TUBD1: variants seen among roughly 807,000 people sequenced by gnomAD.
The protein encoded by TUBD1 is tubulin delta 1.
TUBD1 carries 38 observed loss-of-function variants against 51.2 expected under a neutral mutation model. The ratio of observed to expected loss-of-function variants is 0.74; its 90% confidence interval spans 0.57 to 0.97. The LOEUF is 0.97. TUBD1 is among the 50% of genes least tolerant of loss of function. TUBD1 has a pLI of 0.00. For synonymous variants in TUBD1, 169 were observed against 178.2 expected, an observed-to-expected ratio of 0.95 and a Z score of 0.41; for missense variants, 489 against 538.4, an observed-to-expected ratio of 0.91 and a Z score of 0.91.
intron 6 of TUBD1, among the ~76,000 whole-genome samples, chr17:59,868,422 G>A (rs569930251): frequency 2.6e-4 from 40 of 151,484 alleles, no homozygotes; most frequent in African/African-American, 8.7e-4. Context: ...GAGGCCAGGC[G>A]CGGTGGCTCA....
chr17:59,861,195 A>T (rs1400329277), intron 8 of TUBD1, among the ~76,000 whole-genome samples: 15 of 141,962 alleles, frequency 1.1e-4, no homozygotes, highest in East Asian at 4.1e-4. Flanking sequence ...ACCCCACAAA[A>T]TTTTTTTTTT....
At chr17:59,865,706 CTTAG>C (rs1277710165) in intron 7 of TUBD1, among the ~76,000 whole-genome samples, 1 of 152,234 alleles carries the variant, frequency 6.6e-6, no homozygotes, top group East Asian at 1.9e-4. Context: ...CCCCTTCTTC[CTTAG>C]TATCAATTCC....
At chr17:59,870,824 C>T (rs954237351) in intron 6 of TUBD1, among the ~76,000 whole-genome samples, 1 of 152,170 alleles carries the variant, frequency 6.6e-6, no homozygotes, top group Non-Finnish European at 1.5e-5. Context: ...CTGCAATGTC[C>T]GTAAGGGTCC....
intron 6 of TUBD1, among the ~76,000 whole-genome samples, chr17:59,869,639 C>T (rs1008578665): frequency 6.6e-6 from 1 of 152,122 alleles, no homozygotes; most frequent in African/African-American, 2.4e-5. Context: ...AGGTATTGCT[C>T]GAAAAACAGG....
chr17:59,863,867 A>G lies in TUBD1; in HGVS notation c.1076-20T>C. On this transcript the variant is annotated intron_variant, in intron 7 of 8. Transcript: ENST00000325752. Reference sequence around the variant, plus strand: ...ATCCCTCTAGAGTAAAAACAAGATAAGCCGTCTTTTTATAGCATAAATTAG... The same window carrying G: ...ATCCCTCTAGAGTAAAAACAAGATAGGCCGTCTTTTTATAGCATAAATTAG... The G allele has an allele frequency of 6.9e-7, 1 of 1,456,556 alleles. No homozygotes were observed. The highest frequency in any genetic ancestry group is 1.5e-5 in the South Asian group (1 of 66,876). 90.2% of individuals were successfully genotyped at this position (1,456,556 alleles called of 1,614,324 possible). A position where few individuals can be genotyped will look rare whatever the true frequency, so the allele number is the denominator to read the frequency against.
intron 5 of TUBD1, 63 bp from the exon 6 acceptor site, chr17:59,874,766 A>AT: frequency 7.2e-7 from 1 of 1,383,322 alleles, no homozygotes; most frequent in South Asian, 1.3e-5. Context: ...AATAGTCTAT[A>AT]TATAACCATG....
At chr17:59,888,181 C>T (rs2040822094) in intron 2 of TUBD1, among the ~76,000 whole-genome samples, 1 of 152,074 alleles carries the variant, frequency 6.6e-6, no homozygotes, top group Admixed American at 6.6e-5. Context: ...ATGATTCGCC[C>T]GCCTCGACCT....
At chr17:59,871,100 T>C (rs148113324) in intron 6 of TUBD1, among the ~76,000 whole-genome samples, 76 of 152,284 alleles carry the variant, frequency 5.0e-4, no homozygotes, top group African/African-American at 1.6e-3. Flanking sequence ...GATAGAGCAA[T>C]GGCTTCGAAA....
intron 8 of TUBD1, among the ~76,000 whole-genome samples, chr17:59,863,126 A>G (rs2039538063): frequency 6.6e-6 from 1 of 152,164 alleles, no homozygotes; most frequent in African/African-American, 2.4e-5. Context: ...CAGGCACTGT[A>G]CTAGCTGTTT....
chr17:59,881,938 A>G (rs2040507412), intron 3 of TUBD1, among the ~76,000 whole-genome samples: 1 of 152,082 alleles, frequency 6.6e-6, no homozygotes, highest in South Asian at 2.1e-4. Context: ...CAAAGTGCTA[A>G]GATTAGAGGT....
Position 59,874,095 on chromosome 17 carries a change from A to AG in TUBD1, c.934+443dup, listed in dbSNP as rs569504124. ...TCCCAGCTACTCGGCAGGCTGAGGC[A>AG]GGAGAATGGTGTGAACCCGGGAGGC... On this transcript the variant is annotated intron_variant, in intron 6 of 8. Transcript: ENST00000325752. 8.6e-3 allele frequency among the ~76,000 whole-genome samples: 1,281 copies of AG among 149,256 alleles called. 9 individuals are homozygous for AG. The highest frequency in any genetic ancestry group is 0.015 in the Non-Finnish European group (1,011 of 67,526).
At chr17:59,863,539 G>A (rs1389962237) in intron 8 of TUBD1, 125 bp downstream of exon 8, 3 of 645,388 alleles carry the variant, frequency 4.6e-6, no homozygotes, top group Non-Finnish European at 6.9e-6. Flanking sequence ...AACCCGGGAG[G>A]CGGAGGTTGC....
chr17:59,871,757 A>G (rs1353334480), intron 6 of TUBD1, among the ~76,000 whole-genome samples: 1 of 152,120 alleles, frequency 6.6e-6, no homozygotes, highest in Non-Finnish European at 1.5e-5. Flanking sequence ...TAATGGAAGT[A>G]ATCACTTACC....
At chr17:59,874,858 G>C (rs917490504) in intron 5 of TUBD1, among the ~76,000 whole-genome samples, 155 bp from the exon 6 acceptor site, 1 of 151,938 alleles carries the variant, frequency 6.6e-6, no homozygotes, top group African/African-American at 2.4e-5. Context: ...CAATTTCAGA[G>C]ACAATGTCTA....
chr17:59,876,875 T>C (rs973248401), intron 5 of TUBD1, among the ~76,000 whole-genome samples: 20 of 152,042 alleles, frequency 1.3e-4, no homozygotes, highest in African/African-American at 4.6e-4. Context: ...ATTCTTTTTT[T>C]TTTTTTTAAA....
intron 4 of TUBD1, 86 bp from the exon 5 acceptor site, chr17:59,878,420 A>C: frequency 1.1e-6 from 1 of 930,948 alleles, no homozygotes. Flanking sequence ...GGCAGGGTTC[A>C]AATCCGGGCT....
chr17:59,863,616 CAA>C (rs377342839), intron 8 of TUBD1, 46 bp downstream of exon 8: 32,546 of 1,101,054 alleles, frequency 0.03, no homozygotes, highest in South Asian at 0.047. Flanking sequence ...GACTCTGTCT[CAA>C]AAAAAAAAAA....
At position 59,878,314 on chromosome 17, in the gene TUBD1, GT is replaced by G. The variant is rs2040320017; in HGVS notation, c.557del (p.Asn186ThrfsTer4). 1.2e-6 allele frequency: 2 copies of G among 1,613,276 alleles called. No individual in the cohort carries two copies. The highest frequency in any genetic ancestry group is 2.2e-5 in the South Asian group (2 of 91,064). ...GTGEVIVQNY[N>X]SILTLSHLYR... ...ACAAGTGAGAAAGTGTCAAAATGGAGTTGTAGTTTTGAACAATAACCTGGAG... is the reference window on the plus strand; with the variant it reads ...ACAAGTGAGAAAGTGTCAAAATGGAGTGTAGTTTTGAACAATAACCTGGAG... On this transcript the variant is annotated frameshift_variant, in exon 5 of 9. Transcript: ENST00000325752. LOFTEE classifies it high-confidence loss of function.
At chr17:59,873,971 C>T (rs933403401) in intron 6 of TUBD1, among the ~76,000 whole-genome samples, 2 of 152,050 alleles carry the variant, frequency 1.3e-5, no homozygotes, top group South Asian at 2.1e-4. Context: ...GGGTGGATCA[C>T]GAGGTCAGGA....
Sources: gnomAD v4.1 joint callset for allele counts (sites outside exome capture counted in the v4.1 genomes callset) on GRCh38, gnomAD v4.1.1 for gene constraint, MANE v1.5 for transcripts, NCBI Gene and HGNC (gene_info 2026-07-23, HGNC 2026-07-21) for gene names.